PKIB: variants seen among roughly 807,000 people sequenced by gnomAD.
PKIB encodes cAMP-dependent protein kinase inhibitor beta, also known as PKI-beta.
A neutral mutation model predicts 4.5 loss-of-function variants in PKIB; 2 were observed. That is an observed-to-expected ratio of 0.44 (90% CI 0.18 to 1.39). The LOEUF (loss-of-function observed/expected upper bound fraction) is 1.39, where lower values mean the gene tolerates loss of function less well. PKIB is among the 40% of genes most tolerant of loss of function. The pLI is 0.27. For missense variants in PKIB, 94 were observed against 92.6 expected (o/e 1.02, Z -0.06); for synonymous variants, 38 against 36.0 (o/e 1.06, Z -0.20).
At chr6:122,480,739 C>A (rs1253997947) in intron 2 of PKIB, 1 of 151,996 alleles carries the variant, frequency 6.6e-6, no homozygotes, top group Non-Finnish European at 1.5e-5. Flanking sequence ...GTGTTCATCT[C>A]CGTTTCTTAC....
chr6:122,680,481 C>T (rs528319593), intron 3 of PKIB, among the ~76,000 whole-genome samples: 1 of 152,164 alleles, frequency 6.6e-6, no homozygotes, highest in Admixed American at 6.5e-5. Flanking sequence ...AGTTTTTAGA[C>T]AGAAAGGGAG....
At chr6:122,486,954 T>TA (rs1775785973) in intron 2 of PKIB, among the ~76,000 whole-genome samples, 1 of 30,954 alleles carries the variant, frequency 3.2e-5, no homozygotes, top group Non-Finnish European at 7.2e-5. Flanking sequence ...TCTATCTAAC[T>TA]ACTATTTTCT....
At chr6:122,612,781 G>A (rs986539740) in intron 1 of PKIB, among the ~76,000 whole-genome samples, 44 of 152,132 alleles carry the variant, frequency 2.9e-4, no homozygotes, top group African/African-American at 1.1e-3. Flanking sequence ...GTGAGTACCC[G>A]TTTTCATTTC....
At chr6:122,575,207 T>C (rs1773491155) in intron 2 of PKIB, among the ~76,000 whole-genome samples, 1 of 152,136 alleles carries the variant, frequency 6.6e-6, no homozygotes, top group Non-Finnish European at 1.5e-5. Flanking sequence ...AGATATTACC[T>C]TACTCTTGCA....
At chr6:122,724,648 C>T (rs1328799016) in intron 4 of PKIB, among the ~76,000 whole-genome samples, 1 of 151,772 alleles carries the variant, frequency 6.6e-6, no homozygotes, top group Non-Finnish European at 1.5e-5. Flanking sequence ...TGTCTGATAA[C>T]TTTGATTATT....
Position 122,576,668 on chromosome 6 carries a change from C to CAAAA in PKIB, c.-247-9234_-247-9231dup, listed in dbSNP as rs71867898. Among the ~76,000 whole-genome samples the CAAAA allele has an allele frequency of 9.2e-3, 110 of 11,992 alleles. 5 individuals carry two copies. Among genetic ancestry groups the CAAAA allele is most frequent in the African/African-American group, 0.02 (45 of 2,248 alleles). 7.9% of individuals were successfully genotyped at this position (11,992 alleles called of 152,430 possible). ...TGAGCGACAGAGCGAGACTCCATCT[C>CAAAA]AAAAAAAAAAAAAAAAAAAAAATAT... On this transcript the variant is annotated intron_variant, in intron 2 of 6. Coordinates refer to the PKIB transcript ENST00000392491.
At chr6:122,580,381 G>A (rs1773668649) in intron 2 of PKIB, among the ~76,000 whole-genome samples, 1 of 152,042 alleles carries the variant, frequency 6.6e-6, no homozygotes, top group Non-Finnish European at 1.5e-5. Context: ...GATGTTATTT[G>A]TTTTTATCTA....
At chr6:122,532,238 A>G (rs1307767597) in intron 2 of PKIB, among the ~76,000 whole-genome samples, 3 of 152,222 alleles carry the variant, frequency 2.0e-5, no homozygotes, top group Non-Finnish European at 4.4e-5. Context: ...ATACTCCAAG[A>G]TGGGGAACTA....
intron 2 of PKIB, among the ~76,000 whole-genome samples, chr6:122,500,412 G>C (rs182226564): frequency 2.0e-5 from 3 of 152,282 alleles, no homozygotes; most frequent in Admixed American, 1.3e-4. Context: ...ACACTTTTCT[G>C]TAGATAAATT....
At position 122,633,979 on chromosome 6, in the gene PKIB, T is replaced by C. The variant is rs535149029; in HGVS notation, c.-76+612T>C. ...CTATCTATCTATCTATCTATCCATC[T>C]ATCTATGACAGATATCTGTATATAT... On this transcript the variant is annotated intron_variant, in intron 2 of 4. Coordinates refer to ENST00000368452, the MANE Select transcript of PKIB (RefSeq NM_181795.3). Among the ~76,000 whole-genome samples, 276 of 148,494 alleles carry C rather than the reference T, an allele frequency of 1.9e-3. 1 individual carries two copies. The highest frequency in any genetic ancestry group is 3.7e-3 in the Admixed American group (55 of 14,816).
At chr6:122,678,215 T>C (rs1777762407) in intron 3 of PKIB, among the ~76,000 whole-genome samples, 1 of 152,202 alleles carries the variant, frequency 6.6e-6, no homozygotes, top group Non-Finnish European at 1.5e-5. Context: ...GACTTCAGGC[T>C]TCCAGAGCAG....
intron 3 of PKIB, among the ~76,000 whole-genome samples, chr6:122,707,098 A>G (rs1052378230): frequency 5.3e-5 from 8 of 152,126 alleles, no homozygotes; most frequent in Admixed American, 4.6e-4. Context: ...TGCTACTTCT[A>G]TTAACTTAAT....
intron 3 of PKIB, among the ~76,000 whole-genome samples, chr6:122,678,088 C>T (rs922786146): frequency 5.3e-5 from 8 of 152,022 alleles, no homozygotes; most frequent in Non-Finnish European, 7.4e-5. Flanking sequence ...TTTGTAGAGA[C>T]GGGGTTTCAC....
At chr6:122,685,832 C>T (rs1049396518) in intron 3 of PKIB, among the ~76,000 whole-genome samples, 1 of 152,146 alleles carries the variant, frequency 6.6e-6, no homozygotes, top group South Asian at 2.1e-4. Flanking sequence ...CCTCTGGTAA[C>T]CATCCATCTG....
At chr6:122,533,146 T>A (rs197677) in intron 2 of PKIB, among the ~76,000 whole-genome samples, 36,694 of 105,434 alleles carry the variant, frequency 0.35, 5,095 homozygotes, top group Middle Eastern at 0.45. Flanking sequence ...GCACAAAACT[T>A]TTTATTTATT....
At chr6:122,543,411 G>A (rs2114641774) in intron 2 of PKIB, among the ~76,000 whole-genome samples, 1 of 148,142 alleles carries the variant, frequency 6.8e-6, no homozygotes, top group South Asian at 2.1e-4. Context: ...GTTGCCTGGA[G>A]TGCACTCTTG....
At chr6:122,684,252 C>T (rs546356479) in intron 3 of PKIB, among the ~76,000 whole-genome samples, 1 of 152,242 alleles carries the variant, frequency 6.6e-6, no homozygotes, top group East Asian at 1.9e-4. Context: ...TGAGTAAGCT[C>T]TACAGATCTG....
intron 2 of PKIB, among the ~76,000 whole-genome samples, chr6:122,562,883 A>G (rs1442064103): frequency 7.2e-6 from 1 of 138,964 alleles, no homozygotes; most frequent in African/African-American, 2.7e-5. Flanking sequence ...TTTTTTTTTT[A>G]TTTCCTTGCA....
At chr6:122,677,914 CT>C (rs1777750379) in intron 3 of PKIB, among the ~76,000 whole-genome samples, 1 of 148,124 alleles carries the variant, frequency 6.8e-6, no homozygotes, top group African/African-American at 2.5e-5. Flanking sequence ...TTTCCTCTTT[CT>C]TTTTTTGTTT....
Sources: gnomAD v4.1 joint callset for allele counts (sites outside exome capture counted in the v4.1 genomes callset) on GRCh38, gnomAD v4.1.1 for gene constraint, MANE v1.5 for transcripts, NCBI Gene and HGNC (gene_info 2026-07-23, HGNC 2026-07-21) for gene names.